Variants in RNF121 observed in about 807,000 individuals in gnomAD.
RNF121 encodes the protein ring finger protein 121.
Under a neutral mutation model 46.5 loss-of-function variants are expected in RNF121, and 21 were observed. That is an observed-to-expected ratio of 0.45 (90% CI 0.32 to 0.65). The LOEUF is 0.65. RNF121 is among the 30% of genes least tolerant of loss of function. The probability of loss-of-function intolerance (pLI) is 0.04; values close to 1 mark genes in which losing one functional copy is unlikely to be tolerated. For synonymous variants in RNF121, 139 were observed against 144.7 expected (o/e 0.96, Z 0.28); for missense variants, 346 against 416.0 (o/e 0.83, Z 1.46).
At chr11:71,972,071 G>A (rs1346643092) in intron 3 of RNF121, among the ~76,000 whole-genome samples, 1 of 152,184 alleles carries the variant, frequency 6.6e-6, no homozygotes, top group Non-Finnish European at 1.5e-5. Flanking sequence ...TTAAGTACCT[G>A]TAGGAACTTG....
At chr11:71,969,318 C>T (rs1954369468) in intron 3 of RNF121, among the ~76,000 whole-genome samples, 1 of 152,042 alleles carries the variant, frequency 6.6e-6, no homozygotes, top group Admixed American at 6.6e-5. Flanking sequence ...TAAAATAATG[C>T]ATATGACATA....
In RNF121 at chr11:71,981,396, G is replaced by A. The variant is rs1466712313; in HGVS notation, c.244-1365G>A. On this transcript the variant is annotated intron_variant, in intron 3 of 8. Coordinates refer to ENST00000361756, the MANE Select transcript of RNF121 (RefSeq NM_018320.5). Reference sequence around the variant, plus strand: ...GCTATAGAATGCCAGGAAACTAGCCGCTCTTTCCTCTCTATATCTCTCTTT... The same window carrying A: ...GCTATAGAATGCCAGGAAACTAGCCACTCTTTCCTCTCTATATCTCTCTTT... Among the ~76,000 whole-genome samples the A allele has an allele frequency of 2.0e-5, 3 of 152,182 alleles. No individual in the cohort carries two copies. In the South Asian group the frequency reaches 6.2e-4, roughly 32 times the overall value.
intron 6 of RNF121, among the ~76,000 whole-genome samples, chr11:71,993,494 C>T (rs1341404663): frequency 2.6e-5 from 4 of 151,748 alleles, no homozygotes; most frequent in African/African-American, 9.7e-5. Context: ...TTTCACTTAG[C>T]GTAGTGTTTT....
At chr11:71,966,567 A>T (rs58109845) in intron 3 of RNF121, among the ~76,000 whole-genome samples, 3,963 of 151,488 alleles carry the variant, frequency 0.026, 162 homozygotes, top group African/African-American at 0.091. Flanking sequence ...CTGCAGCCTC[A>T]AACACCTGGG....
intron 1 of RNF121, among the ~76,000 whole-genome samples, chr11:71,950,040 G>T (rs762626824): frequency 1.4e-4 from 21 of 151,146 alleles, no homozygotes; most frequent in African/African-American, 3.4e-4. Flanking sequence ...CACAAAACTC[G>T]CACAAAAAAC....
chr11:71,945,102 C>T (rs1953682783), intron 1 of RNF121, among the ~76,000 whole-genome samples: 1 of 152,044 alleles, frequency 6.6e-6, no homozygotes, highest in African/African-American at 2.4e-5. Flanking sequence ...ATCCTCCTGC[C>T]TCAGCCTCCT....
At position 71,929,150 on chromosome 11, in the gene RNF121, A is replaced by C. The variant is rs1479016564; in HGVS notation, c.63+26A>C. ...GTAAGCGGAGTTGAGAGACGAGGAG[A>C]GACTCAACCTGAGACTGAGGGGAGG... is the stretch of plus-strand genomic sequence containing the variant. On this transcript the variant is annotated intron_variant, in intron 1 of 8. Transcript: ENST00000361756. 17 of 1,547,558 alleles carry C rather than the reference A, an allele frequency of 1.1e-5. No individual in the cohort carries two copies. The East Asian group carries it at 3.7e-4, about 33-fold the overall frequency.
rs140013272 is a variant in RNF121 at position 71,990,610 on chromosome 11, G to A, written c.520G>A (p.Asp174Asn). Reference protein sequence around the residue: ...LNLLFKIKPEDAMDFGISLLF... With the variant: ...LNLLFKIKPENAMDFGISLLF... ...CTTCCCTTGCAGGATCAAACCAGAAGATGCCATGGACTTTGGCATCTCCCT... is the reference window on the plus strand; with the variant it reads ...CTTCCCTTGCAGGATCAAACCAGAAAATGCCATGGACTTTGGCATCTCCCT... The change falls in exon 6 of 9, where the codon GAT becomes AAT. Residue 174 changes from aspartate (D) to asparagine (N), a missense_variant. Transcript: ENST00000361756. 24 of 1,613,948 alleles carry A rather than the reference G, an allele frequency of 1.5e-5. No homozygotes were observed. In the African/African-American group the frequency reaches 2.8e-4, roughly 19 times the overall value.
chr11:71,930,135 A>T (rs1202334286), intron 1 of RNF121, among the ~76,000 whole-genome samples: 1 of 152,198 alleles, frequency 6.6e-6, no homozygotes, highest in Non-Finnish European at 1.5e-5. Flanking sequence ...GCAGAGACAG[A>T]GGTGAAAAGA....
intron 1 of RNF121, among the ~76,000 whole-genome samples, chr11:71,948,282 G>A (rs1280642519): frequency 1.4e-4 from 21 of 152,082 alleles, no homozygotes; most frequent in African/African-American, 4.6e-4. Flanking sequence ...TTGAGAGGCC[G>A]AGGCAGTTGG....
At chr11:71,990,503 T>C (rs1403337661) in intron 5 of RNF121, 94 bp from the exon 6 acceptor site, 6 of 1,498,900 alleles carry the variant, frequency 4.0e-6, no homozygotes, top group Non-Finnish European at 5.4e-6. Context: ...TTGGGCCTTC[T>C]CGCTTTGGGC....
At chr11:71,984,416 A>G (rs976253260) in intron 4 of RNF121, among the ~76,000 whole-genome samples, 1 of 151,702 alleles carries the variant, frequency 6.6e-6, no homozygotes, top group African/African-American at 2.4e-5. Context: ...AGTAGCTGGG[A>G]CTACAGGCAC....
intron 1 of RNF121, among the ~76,000 whole-genome samples, chr11:71,956,877 A>C (rs1954002016): frequency 6.6e-6 from 1 of 152,202 alleles, no homozygotes; most frequent in Admixed American, 6.5e-5. Context: ...AAGGCAAGGC[A>C]CCTCTTTGTT....
intron 6 of RNF121, 145 bp downstream of exon 6, chr11:71,990,862 C>T: frequency 1.0e-6 from 1 of 958,280 alleles, no homozygotes; most frequent in Non-Finnish European, 1.5e-6. Flanking sequence ...ATGGACATTC[C>T]TTCCTTAAAG....
At chr11:71,948,418 G>A (rs1329899507) in intron 1 of RNF121, among the ~76,000 whole-genome samples, 2 of 149,956 alleles carry the variant, frequency 1.3e-5, no homozygotes, top group African/African-American at 4.9e-5. Flanking sequence ...GGGAGGCTGA[G>A]GCATGAGAAT....
chr11:71,932,677 TG>T (rs775610885), intron 1 of RNF121, among the ~76,000 whole-genome samples: 3 of 152,258 alleles, frequency 2.0e-5, no homozygotes, highest in Non-Finnish European at 4.4e-5. Flanking sequence ...GGCTACCAAG[TG>T]GTGTCACAAA....
At chr11:71,983,113 T>G (rs1954698379) in intron 4 of RNF121, 198 bp downstream of exon 4, 3 of 413,328 alleles carry the variant, frequency 7.3e-6, no homozygotes, top group Non-Finnish European at 1.3e-5. Context: ...TATTTCTGTA[T>G]AGCTTACTTT....
intron 2 of RNF121, 130 bp from the exon 3 acceptor site, chr11:71,960,620 G>A (rs1161890454): frequency 3.8e-6 from 4 of 1,062,124 alleles, no homozygotes; most frequent in East Asian, 5.0e-5. Context: ...CCTAATTTGT[G>A]TGGTACCCTG....
intron 3 of RNF121, among the ~76,000 whole-genome samples, chr11:71,961,444 T>A (rs2134177777): frequency 1.3e-5 from 2 of 152,034 alleles, no homozygotes; most frequent in South Asian, 4.2e-4. Flanking sequence ...GCCTATAGTC[T>A]CAGCTACTGG....
Sources: gnomAD v4.1 joint callset for allele counts (sites outside exome capture counted in the v4.1 genomes callset) on GRCh38, gnomAD v4.1.1 for gene constraint, MANE v1.5 for transcripts, NCBI Gene and HGNC (gene_info 2026-07-23, HGNC 2026-07-21) for gene names.